RABGAP1: variants seen among roughly 807,000 people sequenced by gnomAD.
RABGAP1 encodes the protein RAB GTPase activating protein 1.
In RABGAP1, 23 loss-of-function variants were observed where a neutral mutation model predicts 137.6. That is an observed-to-expected ratio of 0.17 (90% CI 0.12 to 0.24). RABGAP1 has a LOEUF of 0.24. Ranked by LOEUF, RABGAP1 falls within the 10% of genes least tolerant of loss-of-function variation. The pLI is 1.00. For missense variants in RABGAP1, 906 were observed against 1,275.8 expected (o/e 0.71, Z 4.42); for synonymous variants, 451 against 450.7 (o/e 1.00, Z -0.01).
intron 15 of RABGAP1, 95 bp from the exon 16 acceptor site, chr9:123,073,457 A>G: frequency 6.8e-7 from 1 of 1,466,074 alleles, no homozygotes; most frequent in South Asian, 1.3e-5. Context: ...AGGCAATAAT[A>G]TAAAGCTGGA....
chr9:122,946,402 G>A (rs1490567349), intron 1 of RABGAP1, among the ~76,000 whole-genome samples: 8 of 152,078 alleles, frequency 5.3e-5, no homozygotes, highest in Non-Finnish European at 1.0e-4. Flanking sequence ...TTGTAGATGA[G>A]AAGGAACTAT....
chr9:122,991,605 C>CT (rs1244355425), intron 6 of RABGAP1, among the ~76,000 whole-genome samples: 18,573 of 139,334 alleles, frequency 0.13, 4,068 homozygotes, highest in African/African-American at 0.46. Flanking sequence ...CTCTCTCTCT[C>CT]TTTTTTTTTT....
chr9:123,029,762 T>G (rs1385839760), intron 13 of RABGAP1: 2 of 603,756 alleles, frequency 3.3e-6, no homozygotes, highest in Admixed American at 3.8e-5. Context: ...ATCGTGAAGC[T>G]CGGAGAGCAG....
intron 12 of RABGAP1, among the ~76,000 whole-genome samples, chr9:123,017,251 A>G (rs1293885212): frequency 6.6e-6 from 1 of 152,168 alleles, no homozygotes; most frequent in Non-Finnish European, 1.5e-5. Flanking sequence ...TAGATATAGC[A>G]TTAAGACTCT....
intron 1 of RABGAP1, among the ~76,000 whole-genome samples, chr9:122,954,175 CAG>C (rs978688827): frequency 3.3e-5 from 5 of 152,158 alleles, no homozygotes; most frequent in African/African-American, 1.2e-4. Context: ...GGTCTTGAGA[CAG>C]AGGTTGTGAA....
intron 2 of RABGAP1, among the ~76,000 whole-genome samples, 198 bp from the exon 3 acceptor site, chr9:122,984,287 A>C (rs906033234): frequency 2.0e-5 from 3 of 152,182 alleles, no homozygotes; most frequent in African/African-American, 7.2e-5. Flanking sequence ...CTTTTTCATG[A>C]AAAACTATGT....
chr9:122,940,668 C>T (rs1833492257), upstream of RABGAP1, among the ~76,000 whole-genome samples: 1 of 152,192 alleles, frequency 6.6e-6, no homozygotes, highest in South Asian at 2.1e-4. Flanking sequence ...CTTGCTCAAG[C>T]ACCAGTACTC....
chr9:123,095,174 C>T (rs887263364), intron 21 of RABGAP1, among the ~76,000 whole-genome samples: 4 of 139,316 alleles, frequency 2.9e-5, no homozygotes, highest in Non-Finnish European at 4.5e-5. Context: ...CTGCAGTGAA[C>T]CGAGATCATG....
chr9:123,101,875 T>C lies in RABGAP1; in HGVS notation c.3087+112T>C, dbSNP rs2035356594. On this transcript the variant is annotated intron_variant, in intron 25 of 25. Coordinates refer to ENST00000373647, the MANE Select transcript of RABGAP1 (RefSeq NM_012197.4). Reference sequence around the variant, plus strand: ...GGGTTTTTCCACACCTTTTAAACTTTGGTCACAGTTGTCATGAGAAGAAAT... The same window carrying C: ...GGGTTTTTCCACACCTTTTAAACTTCGGTCACAGTTGTCATGAGAAGAAAT... 10 of 1,124,642 alleles carry C rather than the reference T, an allele frequency of 8.9e-6. No individual in the cohort carries two copies. In the South Asian group the frequency reaches 1.7e-4, roughly 20 times the overall value. 69.7% of individuals were successfully genotyped at this position (1,124,642 alleles called of 1,614,324 possible). A position where few individuals can be genotyped will look rare whatever the true frequency, so the allele number is the denominator to read the frequency against.
chr9:123,098,663 C>A (rs1346314652), intron 22 of RABGAP1, 52 bp from the exon 23 acceptor site: 3 of 1,542,248 alleles, frequency 1.9e-6, no homozygotes, highest in Admixed American at 1.8e-5. Flanking sequence ...GGTGGCAGAA[C>A]TTCCTTTATT....
chr9:123,051,239 T>TGG lies in RABGAP1; in HGVS notation c.1795-14109_1795-14108insGG, dbSNP rs1204166170. Reference sequence around the variant, plus strand: ...TGGTTTTTTTTTTTTTTTTTTTTTTTTTTTTTTTTTTTTTTTTTTTTTTTT... The same window carrying TGG: ...TGGTTTTTTTTTTTTTTTTTTTTTTTGGTTTTTTTTTTTTTTTTTTTTTTTTT... On this transcript the variant is annotated intron_variant, in intron 13 of 25. Coordinates refer to ENST00000373647, the MANE Select transcript of RABGAP1 (RefSeq NM_012197.4). Among the ~76,000 whole-genome samples, 405 of 58,270 alleles carry TGG rather than the reference T, an allele frequency of 7.0e-3. 76 individuals carry two copies. The highest frequency in any genetic ancestry group is 0.052 in the East Asian group (54 of 1,042). The allele number at this position is 58,270 out of a possible 152,430, so 38.2% of individuals were successfully genotyped here. A position where few individuals can be genotyped will look rare whatever the true frequency, so the allele number is the denominator to read the frequency against.
chr9:122,975,580 G>A (rs111960939), intron 2 of RABGAP1, among the ~76,000 whole-genome samples: 13 of 152,214 alleles, frequency 8.5e-5, no homozygotes, highest in African/African-American at 2.9e-4. Flanking sequence ...TTTGGGCCAC[G>A]AAAAGTAGAA....
chr9:123,049,657 C>T (rs548149271), intron 13 of RABGAP1, among the ~76,000 whole-genome samples: 2 of 152,302 alleles, frequency 1.3e-5, no homozygotes, highest in East Asian at 1.9e-4. Flanking sequence ...TCATAACATT[C>T]AGGAGATTTC....
intron 19 of RABGAP1, among the ~76,000 whole-genome samples, chr9:123,088,526 CA>C (rs1007053534): frequency 1.3e-5 from 2 of 152,042 alleles, no homozygotes; most frequent in Non-Finnish European, 2.9e-5. Flanking sequence ...TCCATCCCTA[CA>C]AAAAATAAAA....
In RABGAP1 at chr9:123,101,598, A is replaced by G; in HGVS notation, c.2922A>G (p.Glu974=). The change falls in exon 25 of 26, where the codon GAA becomes GAG. Residue 974 remains glutamate (E), a synonymous_variant. Transcript: ENST00000373647. ...QKVDDCERCR[E]FFNKEGRVKG... is the part of the protein sequence containing the mutation. ...TGGATGACTGTGAGCGGTGCCGGGA[A>G]TTTTTCAACAAAGAAGGGCGTGTAA... 1 of 1,614,068 alleles carries G rather than the reference A, an allele frequency of 6.2e-7. No homozygotes were observed. The highest frequency in any genetic ancestry group is 8.5e-7 in the Non-Finnish European group (1 of 1,179,978).
At chr9:123,099,339 C>A in intron 23 of RABGAP1, 139 bp from the exon 24 acceptor site, 1 of 754,944 alleles carries the variant, frequency 1.3e-6, no homozygotes, top group Non-Finnish European at 2.2e-6. Flanking sequence ...TATCCATCGA[C>A]TTCATATCCC....
chr9:123,049,699 G>A (rs201608559), intron 13 of RABGAP1, among the ~76,000 whole-genome samples: 5 of 152,112 alleles, frequency 3.3e-5, no homozygotes, highest in African/African-American at 9.7e-5. Flanking sequence ...GCAGATCCCC[G>A]ACAGGGCACT....
At chr9:122,974,415 C>CTCT (rs1835651911) in intron 2 of RABGAP1, among the ~76,000 whole-genome samples, 1 of 58,218 alleles carries the variant, frequency 1.7e-5, no homozygotes, top group Non-Finnish European at 3.1e-5. Flanking sequence ...ATGGCTTTGT[C>CTCT]TTTTTTTTTT....
At chr9:122,977,434 G>T (rs141441246) in intron 2 of RABGAP1, among the ~76,000 whole-genome samples, 3 of 152,168 alleles carry the variant, frequency 2.0e-5, no homozygotes, top group Non-Finnish European at 4.4e-5. Context: ...GGCTGGGTTC[G>T]GTGGCTCATG....
Sources: gnomAD v4.1 joint callset for allele counts (sites outside exome capture counted in the v4.1 genomes callset) on GRCh38, gnomAD v4.1.1 for gene constraint, MANE v1.5 for transcripts, NCBI Gene and HGNC (gene_info 2026-07-23, HGNC 2026-07-21) for gene names.